ZNF287: variants seen among roughly 807,000 people sequenced by gnomAD.
ZNF287 encodes the protein zinc finger protein 287.
ZNF287 carries 31 observed loss-of-function variants against 73.7 expected under a neutral mutation model. That is an observed-to-expected ratio of 0.42 (90% CI 0.32 to 0.57). The LOEUF is 0.57. Among genes scored for constraint, ZNF287 ranks in the 20% least tolerant of loss-of-function variants. ZNF287 has a pLI of 0.13. For missense variants in ZNF287, 641 were observed against 909.3 expected (o/e 0.70, Z 3.79); for synonymous variants, 301 against 307.2 (o/e 0.98, Z 0.21).
chr17:16,562,699 T>A (rs1183240825), intron 5 of ZNF287, among the ~76,000 whole-genome samples: 1 of 152,046 alleles, frequency 6.6e-6, no homozygotes, highest in Non-Finnish European at 1.5e-5. Context: ...TCTTTTTAAA[T>A]AATTAGAAAA....
chr17:16,566,760 A>C, intron 2 of ZNF287, 138 bp from the exon 3 acceptor site: 1 of 554,594 alleles, frequency 1.8e-6, no homozygotes, highest in Non-Finnish European at 3.1e-6. Context: ...ACTTCAAAGC[A>C]TCAGAGGAAA....
Position 16,551,893 on chromosome 17 carries a change from T to C in ZNF287, c.2249A>G (p.His750Arg). Residue 750 changes from histidine (H) to arginine (R), a missense_variant, in exon 6 of 6, where the codon CAT becomes CGT. Physicochemically the swap from His to Arg is conservative, Grantham distance 29 (BLOSUM62 0). This residue lies in a region of ZNF287 where 284 missense variants were observed against 466.8 expected (regional missense o/e 0.61). Coordinates refer to ENST00000395825, the MANE Select transcript of ZNF287 (RefSeq NM_020653.4). The part of the protein sequence containing the change: ...TFTQSTNLIQ[H>R]QRVHTGAKHR... Reference sequence around the variant, plus strand: ...TTTGGCACCTGTATGAACACGTTGATGCTGAATAAGGTTTGTACTCTGGGT... The same window carrying C: ...TTTGGCACCTGTATGAACACGTTGACGCTGAATAAGGTTTGTACTCTGGGT... 6.2e-7 allele frequency: 1 copy of C among 1,608,872 alleles called. No individual in the cohort carries two copies. Among genetic ancestry groups the C allele is most frequent in the South Asian group, 1.1e-5 (1 of 90,452 alleles).
intron 5 of ZNF287, among the ~76,000 whole-genome samples, chr17:16,557,779 A>AGG (rs1907171503): frequency 6.6e-6 from 1 of 152,188 alleles, no homozygotes. Context: ...GGCTGACAGG[A>AGG]GTCCCTTGAA....
At position 16,567,419 on chromosome 17, in the gene ZNF287, C is replaced by T; in HGVS notation, c.313G>A (p.Val105Ile). 3.1e-6 allele frequency: 5 copies of T among 1,614,218 alleles called. No individual in the cohort carries two copies. Among genetic ancestry groups the T allele is most frequent in the East Asian group, 2.2e-5 (1 of 44,882 alleles). The change falls in exon 2 of 6, where the codon GTT becomes ATT. Residue 105 changes from valine to isoleucine, a missense_variant. Physicochemically the swap from Val to Ile is conservative, Grantham distance 29. Coordinates refer to ENST00000395825, the MANE Select transcript of ZNF287 (RefSeq NM_020653.4). Reference protein sequence around the residue: ...EQFLTILPGEVRTWVKSQYPE... With the variant: ...EQFLTILPGEIRTWVKSQYPE... ...TACTGGGACTTTACCCAAGTCCTAA[C>T]CTCACCAGGCAGGATGGTCAGGAAT... is the stretch of plus-strand genomic sequence containing the variant.
intron 4 of ZNF287, 133 bp downstream of exon 4, chr17:16,563,566 A>G (rs1420321211): frequency 9.3e-7 from 1 of 1,069,826 alleles, no homozygotes; most frequent in Non-Finnish European, 1.3e-6. Flanking sequence ...ACGGGAGTAA[A>G]ACAGTCACTT....
At chr17:16,562,334 A>G (rs563473781) in intron 5 of ZNF287, among the ~76,000 whole-genome samples, 1 of 152,224 alleles carries the variant, frequency 6.6e-6, no homozygotes, top group African/African-American at 2.4e-5. Context: ...ACAAAACAGT[A>G]TGTATTGTAT....
Position 16,548,642 on chromosome 17 carries a change from A to G in ZNF287, c.*3214T>C, listed in dbSNP as rs1312307883. ...GAAACCCCATCTCTACTAAAAAAAT[A>G]CAAAGAAATTAGCCGGGCGTGGTGG... On this transcript the variant is annotated 3_prime_UTR_variant, in exon 6 of 6. Coordinates refer to ENST00000395825, the MANE Select transcript of ZNF287 (RefSeq NM_020653.4). 6.6e-6 allele frequency among the ~76,000 whole-genome samples: 1 copy of G among 152,118 alleles called. No individual in the cohort carries two copies. The highest frequency in any genetic ancestry group is 1.5e-5 in the Non-Finnish European group (1 of 68,008).
chr17:16,565,727 A>G (rs7218177), intron 3 of ZNF287, among the ~76,000 whole-genome samples: 11,050 of 152,012 alleles, frequency 0.073, 1,363 homozygotes, highest in African/African-American at 0.25. Flanking sequence ...TGGCTCACAC[A>G]TGTAATCCCA....
chr17:16,567,680 G>A lies in ZNF287; in HGVS notation c.52C>T (p.Leu18=). ...MNSSSRSQIL[L]RWKSDKAQSG... is the part of the protein sequence containing the mutation. Reference sequence around the variant, plus strand: ...TGAGCCTTGTCTGACTTCCACCTTAGAAGGATTTGAGAACGTGAAGAACTG... The same window carrying A: ...TGAGCCTTGTCTGACTTCCACCTTAAAAGGATTTGAGAACGTGAAGAACTG... The change falls in exon 2 of 6, where the codon CTA becomes TTA. Residue 18 remains leucine, a synonymous_variant. Coordinates refer to ENST00000395825, the MANE Select transcript of ZNF287 (RefSeq NM_020653.4). 6.2e-7 allele frequency: 1 copy of A among 1,614,056 alleles called. No homozygotes were observed. The highest frequency in any genetic ancestry group is 8.5e-7 in the Non-Finnish European group (1 of 1,179,982).
intron 5 of ZNF287, among the ~76,000 whole-genome samples, chr17:16,560,926 G>A (rs1310629503): frequency 3.3e-5 from 5 of 150,844 alleles, no homozygotes; most frequent in South Asian, 2.1e-4. Flanking sequence ...TGGCGTGAAC[G>A]TGGAAGGTGG....
chr17:16,550,254 C>T lies in ZNF287; in HGVS notation c.*1602G>A, dbSNP rs535409793. Among the ~76,000 whole-genome samples the T allele has an allele frequency of 4.6e-5, 7 of 152,232 alleles. No homozygotes were observed. The highest frequency in any genetic ancestry group is 1.7e-4 in the African/African-American group (7 of 41,556). On this transcript the variant is annotated 3_prime_UTR_variant, in exon 6 of 6. Transcript: ENST00000395825. ...CATGTTAAGAGTAATCTCTGTTTTA[C>T]TTGTATGTATGAAGGAGTGTCAGGC...
At position 16,567,432 on chromosome 17, in the gene ZNF287, G is replaced by A. The variant is rs1291755281; in HGVS notation, c.300C>T (p.Ile100=). The part of the protein sequence containing the change: ...ELLVLEQFLT[I]LPGEVRTWVK... ...CCCAAGTCCTAACCTCACCAGGCAG[G>A]ATGGTCAGGAATTGCTCCAGCACCA... is the stretch of plus-strand genomic sequence containing the variant. Residue 100 remains isoleucine, a synonymous_variant, in exon 2 of 6, where the codon ATC becomes ATT. Coordinates refer to ENST00000395825, the MANE Select transcript of ZNF287 (RefSeq NM_020653.4). The A allele has an allele frequency of 5.6e-6, 9 of 1,614,174 alleles. No individual in the cohort carries two copies. Among genetic ancestry groups the A allele is most frequent in the Admixed American group, 1.7e-5 (1 of 60,018 alleles).
chr17:16,567,862 T>C lies in ZNF287; in HGVS notation c.-131A>G, dbSNP rs1409693523. 5 of 1,457,762 alleles carry C rather than the reference T, an allele frequency of 3.4e-6. No individual in the cohort carries two copies. The highest frequency in any genetic ancestry group is 2.7e-5 in the Admixed American group (1 of 37,344). 90.3% of individuals were successfully genotyped at this position (1,457,762 alleles called of 1,614,324 possible). A position where few individuals can be genotyped will look rare whatever the true frequency, so the allele number is the denominator to read the frequency against. On this transcript the variant is annotated 5_prime_UTR_variant, in exon 2 of 6. Transcript: ENST00000395825. ...TGCTGCAGCCGAGGGCAGAACAGAATCAAGGTAGAGTTAGCAGCCTTAGTG... is the reference window on the plus strand; with the variant it reads ...TGCTGCAGCCGAGGGCAGAACAGAACCAAGGTAGAGTTAGCAGCCTTAGTG...
At chr17:16,560,426 T>C (rs2142485615) in intron 5 of ZNF287, among the ~76,000 whole-genome samples, 1 of 151,188 alleles carries the variant, frequency 6.6e-6, no homozygotes, top group South Asian at 2.1e-4. Flanking sequence ...CTTGGCTCAC[T>C]GCAACCCCCG....
Position 16,547,850 on chromosome 17 carries a change from C to T in ZNF287, c.*4006G>A, listed in dbSNP as rs144108689. On this transcript the variant is annotated 3_prime_UTR_variant, in exon 6 of 6. Coordinates refer to ENST00000395825, the MANE Select transcript of ZNF287 (RefSeq NM_020653.4). ...GACATAAGAGATACTTGAAGGGCTC[C>T]ACCTGGCCAAATTTGGGACAATCTG... Among the ~76,000 whole-genome samples the T allele has an allele frequency of 6.7e-3, 1,024 of 152,292 alleles. 9 individuals carry two copies. Among genetic ancestry groups the T allele is most frequent in the African/African-American group, 0.023 (974 of 41,558 alleles).
At position 16,549,372 on chromosome 17, in the gene ZNF287, A is replaced by G. The variant is rs934076367; in HGVS notation, c.*2484T>C. 8.4e-6 allele frequency among the ~76,000 whole-genome samples: 1 copy of G among 119,570 alleles called. No homozygotes were observed. The highest frequency in any genetic ancestry group is 1.6e-5 in the Non-Finnish European group (1 of 61,894). 78.4% of individuals were successfully genotyped at this position (119,570 alleles called of 152,430 possible). Reference sequence around the variant, plus strand: ...ATAAAACATACAAAGGCAGGAAATAACAGAGTAATGCAAAGGAAGGCGCTA... The same window carrying G: ...ATAAAACATACAAAGGCAGGAAATAGCAGAGTAATGCAAAGGAAGGCGCTA... On this transcript the variant is annotated 3_prime_UTR_variant, in exon 6 of 6. Transcript: ENST00000395825.
chr17:16,563,077 G>T, intron 5 of ZNF287, 69 bp downstream of exon 5: 1 of 1,244,868 alleles, frequency 8.0e-7, no homozygotes, highest in Non-Finnish European at 1.2e-6. Context: ...TATTTAAAAT[G>T]CATTTCTCAC....
chr17:16,550,585 GT>G lies in ZNF287; in HGVS notation c.*1270del, dbSNP rs1418738763. ...AGCATTTGGCAACCCATTTTAGCAGGTTGCTTATGCTCAACCCATGACAAAA... is the reference window on the plus strand; with the variant it reads ...AGCATTTGGCAACCCATTTTAGCAGGTGCTTATGCTCAACCCATGACAAAA... On this transcript the variant is annotated 3_prime_UTR_variant, in exon 6 of 6. Coordinates refer to ENST00000395825, the MANE Select transcript of ZNF287 (RefSeq NM_020653.4). Among the ~76,000 whole-genome samples the G allele has an allele frequency of 2.0e-5, 3 of 152,032 alleles. No homozygotes were observed. Among genetic ancestry groups the G allele is most frequent in the Non-Finnish European group, 2.9e-5 (2 of 68,026 alleles).
rs375086430 is a variant in ZNF287, at chr17:16,548,224, T to A, written c.*3632A>T. 6.6e-6 allele frequency among the ~76,000 whole-genome samples: 1 copy of A among 152,186 alleles called. No individual in the cohort carries two copies. Among genetic ancestry groups the A allele is most frequent in the Non-Finnish European group, 1.5e-5 (1 of 68,032 alleles). On this transcript the variant is annotated 3_prime_UTR_variant, in exon 6 of 6. Transcript: ENST00000395825. The stretch of plus-strand genomic sequence containing the variant: ...GTGTCAGTCCACAGATTAATTGCAA[T>A]AGGAAAAACTACCTTTATATTGGGA...
Sources: gnomAD v4.1 joint callset for allele counts (sites outside exome capture counted in the v4.1 genomes callset) on GRCh38, gnomAD v4.1.1 for gene constraint, gnomAD v4.1.1 regional missense constraint, MANE v1.5 for transcripts, NCBI Gene and HGNC (gene_info 2026-07-23, HGNC 2026-07-21) for gene names.